The following TENM3 variants were observed in gnomAD, a reference collection of about 807,000 sequenced individuals.
TENM3 encodes the protein teneurin transmembrane protein 3.
A neutral mutation model predicts 255.1 loss-of-function variants in TENM3; 63 were observed. That is an observed-to-expected ratio of 0.25 (90% confidence interval 0.20 to 0.30). The LOEUF (loss-of-function observed/expected upper bound fraction) is 0.30. TENM3 is among the 10% of genes least tolerant of loss of function. TENM3 has a pLI of 1.00. For missense variants in TENM3, 2,929 were observed against 3,461.1 expected, an observed-to-expected ratio of 0.85 and a Z score of 3.86; for synonymous variants, 1,306 against 1,322.3, an observed-to-expected ratio of 0.99 and a Z score of 0.27.
the TENM3 span, among the ~76,000 whole-genome samples, chr4:181,527,038 C>T: frequency 6.6e-6 from 1 of 152,080 alleles, no homozygotes; most frequent in Non-Finnish European, 1.5e-5. Context: ...TCCTTGCAGC[C>T]ACCCTGCTGA....
intron 3 of TENM3, among the ~76,000 whole-genome samples, chr4:182,388,778 C>A (rs982281357): frequency 6.6e-6 from 1 of 152,180 alleles, no homozygotes; most frequent in African/African-American, 2.4e-5. Context: ...TCTCTGGCCA[C>A]CCCAATTTTT....
the TENM3 span, among the ~76,000 whole-genome samples, chr4:182,040,636 T>A: frequency 1.3e-5 from 2 of 152,180 alleles, no homozygotes; most frequent in Non-Finnish European, 2.9e-5. Flanking sequence ...ATTTCCCAAG[T>A]CACCAATTTC....
At chr4:182,675,409 C>T (rs1052530784) in intron 7 of TENM3, among the ~76,000 whole-genome samples, 1 of 151,898 alleles carries the variant, frequency 6.6e-6, no homozygotes, top group Non-Finnish European at 1.5e-5. Flanking sequence ...AACGTGGTAG[C>T]GCACACCTGT....
intron 1 of TENM3, among the ~76,000 whole-genome samples, chr4:182,235,122 T>G (rs1171149043): frequency 6.6e-6 from 1 of 152,162 alleles, no homozygotes; most frequent in Non-Finnish European, 1.5e-5. Flanking sequence ...TGGACCTCAC[T>G]GGAAGCCAGT....
At chr4:181,693,549 C>T in the TENM3 span, among the ~76,000 whole-genome samples, 2 of 152,096 alleles carry the variant, frequency 1.3e-5, no homozygotes, top group Middle Eastern at 3.2e-3. Context: ...GGAAAAGAAG[C>T]GGCGCAGTGA....
intron 3 of TENM3, among the ~76,000 whole-genome samples, chr4:182,562,560 G>A (rs1015685561): frequency 4.6e-5 from 7 of 152,124 alleles, no homozygotes; most frequent in East Asian, 3.9e-4. Flanking sequence ...CTGCCCTACC[G>A]TGACACCCTG....
chr4:182,586,348 G>A (rs1413716733), intron 3 of TENM3, among the ~76,000 whole-genome samples: 1 of 152,136 alleles, frequency 6.6e-6, no homozygotes, highest in Non-Finnish European at 1.5e-5. Flanking sequence ...CATTCACGGG[G>A]CATTGTCATA....
At chr4:181,679,980 C>T in the TENM3 span, among the ~76,000 whole-genome samples, 1 of 152,062 alleles carries the variant, frequency 6.6e-6, no homozygotes, top group Non-Finnish European at 1.5e-5. Flanking sequence ...GCAAATTGCT[C>T]GTGTATGTCA....
chr4:182,596,139 A>C (rs1031012567), intron 3 of TENM3, among the ~76,000 whole-genome samples: 5 of 152,162 alleles, frequency 3.3e-5, no homozygotes, highest in Admixed American at 1.3e-4. Flanking sequence ...ATCCAAAAAA[A>C]TTTGAGTTAG....
chr4:181,973,933 T>C, the TENM3 span, among the ~76,000 whole-genome samples: 3 of 152,138 alleles, frequency 2.0e-5, no homozygotes, highest in African/African-American at 2.4e-5. Flanking sequence ...GCAATGCCCA[T>C]GTCAAATAAA....
At chr4:182,267,238 A>G (rs186596012) in intron 1 of TENM3, among the ~76,000 whole-genome samples, 8 of 152,312 alleles carry the variant, frequency 5.3e-5, no homozygotes, top group Admixed American at 5.2e-4. Flanking sequence ...ATGCCTATGA[A>G]CAAAATTTAA....
At chr4:181,929,208 G>GC in the TENM3 span, among the ~76,000 whole-genome samples, 1 of 152,102 alleles carries the variant, frequency 6.6e-6, no homozygotes, top group Non-Finnish European at 1.5e-5. Flanking sequence ...TGGGCTAAAT[G>GC]CCCCAATTAA....
At position 182,346,878 on chromosome 4, in the gene TENM3, G is replaced by A. The variant is rs1764854671; in HGVS notation, c.460G>A (p.Ala154Thr). The A allele has an allele frequency of 6.2e-7, 1 of 1,613,456 alleles. No individual in the cohort carries two copies. ...CTGCCTGTCAAGTCGGTCCAACTCAGCCCTCACCCTGACAGATACGGAGCA... is the reference window on the plus strand; with the variant it reads ...CTGCCTGTCAAGTCGGTCCAACTCAACCCTCACCCTGACAGATACGGAGCA... Reference protein sequence around the residue: ...SSCLSSRSNSALTLTDTEHEN... With the variant: ...SSCLSSRSNSTLTLTDTEHEN... Residue 154 changes from alanine (A) to threonine (T), a missense_variant, in exon 3 of 28, where the codon GCC becomes ACC. This residue lies in a region of TENM3 where 283 missense variants were observed against 256.9 expected (regional missense o/e 1.10). Coordinates refer to ENST00000511685, the MANE Select transcript of TENM3 (RefSeq NM_001080477.4).
At chr4:181,472,436 C>T in the TENM3 span, among the ~76,000 whole-genome samples, 1 of 152,062 alleles carries the variant, frequency 6.6e-6, no homozygotes, top group Non-Finnish European at 1.5e-5. Context: ...TATAGAACAG[C>T]AAGTAGAGAG....
chr4:181,934,489 A>G, the TENM3 span, among the ~76,000 whole-genome samples: 1 of 152,190 alleles, frequency 6.6e-6, no homozygotes, highest in Non-Finnish European at 1.5e-5. Context: ...AATCGGTAGC[A>G]GTTCTAACAA....
chr4:181,750,115 C>G, the TENM3 span, among the ~76,000 whole-genome samples: 1 of 152,118 alleles, frequency 6.6e-6, no homozygotes, highest in African/African-American at 2.4e-5. Flanking sequence ...GAAAGGGATG[C>G]TTTATTGGAC....
chr4:181,604,267 AAAAAG>A, the TENM3 span, among the ~76,000 whole-genome samples: 51 of 152,348 alleles, frequency 3.3e-4, no homozygotes, highest in African/African-American at 9.1e-4. Context: ...TCCGTCTAAA[AAAAAG>A]AAAAGAAAAG....
chr4:182,501,127 T>C (rs1016976499), intron 3 of TENM3, among the ~76,000 whole-genome samples: 2 of 152,094 alleles, frequency 1.3e-5, no homozygotes, highest in African/African-American at 4.8e-5. Context: ...ACTCTTAAAA[T>C]TCTAGAAAAA....
the TENM3 span, among the ~76,000 whole-genome samples, chr4:181,529,791 G>GT: frequency 6.6e-6 from 1 of 152,172 alleles, no homozygotes; most frequent in Admixed American, 6.5e-5. Flanking sequence ...CAATAGGCAC[G>GT]GTGCTATGTA....
Sources: gnomAD v4.1 joint callset for allele counts (sites outside exome capture counted in the v4.1 genomes callset) on GRCh38, gnomAD v4.1.1 for gene constraint, gnomAD v4.1.1 regional missense constraint, MANE v1.5 for transcripts, NCBI Gene and HGNC (gene_info 2026-07-23, HGNC 2026-07-21) for gene names.